Variants in HCN1 observed in about 807,000 individuals in gnomAD.
HCN1 encodes the protein potassium/sodium hyperpolarization-activated cyclic nucleotide-gated channel 1.
HCN1 carries 13 observed loss-of-function variants against 78.9 expected under a neutral mutation model. The observed-to-expected ratio is 0.16, with a 90% CI of 0.11 to 0.26. The LOEUF (loss-of-function observed/expected upper bound fraction) is 0.26. HCN1 is among the 10% of genes least tolerant of loss of function. The probability of loss-of-function intolerance (pLI) is 1.00; values close to 1 mark genes in which losing one functional copy is unlikely to be tolerated. For missense variants in HCN1, 810 were observed against 1,154.3 expected, an observed-to-expected ratio of 0.70 and a Z score of 4.32; for synonymous variants, 552 against 455.5, an observed-to-expected ratio of 1.21 and a Z score of -2.70.
rs532625028 is a variant in HCN1 at position 45,337,228 on chromosome 5, A to G, written c.1377+15872T>C. Among the ~76,000 whole-genome samples, 278 of 151,758 alleles carry G rather than the reference A, an allele frequency of 1.8e-3. 1 individual carries two copies. Among genetic ancestry groups the G allele is most frequent in the African/African-American group, 6.5e-3 (269 of 41,518 alleles). ...TTAAAAGTTTTTAAAGTTATAAAGT[A>G]TTTTTCTTCTTAAAGTTAAAAAGAA... On this transcript the variant is annotated intron_variant, in intron 5 of 7. Coordinates refer to ENST00000303230, the MANE Select transcript of HCN1 (RefSeq NM_021072.4).
chr5:45,586,546 G>T (rs1271513664), intron 2 of HCN1, among the ~76,000 whole-genome samples: 1 of 152,050 alleles, frequency 6.6e-6, no homozygotes. Context: ...CCCACTGTCT[G>T]ACACTCCCCA....
intron 6 of HCN1, among the ~76,000 whole-genome samples, chr5:45,291,505 T>C (rs1323740284): frequency 6.6e-6 from 1 of 152,038 alleles, no homozygotes. Context: ...CTGATAACGT[T>C]TCTCCCTCAG....
intron 3 of HCN1, among the ~76,000 whole-genome samples, chr5:45,398,757 T>C (rs935684887): frequency 1.3e-5 from 2 of 152,212 alleles, no homozygotes; most frequent in Non-Finnish European, 1.5e-5. Flanking sequence ...TTATCTTCCT[T>C]GTTAATAATT....
chr5:45,448,485 C>A lies in HCN1; in HGVS notation c.1011+13361G>T, dbSNP rs146573094. On this transcript the variant is annotated intron_variant, in intron 3 of 7. Coordinates refer to ENST00000303230, the MANE Select transcript of HCN1 (RefSeq NM_021072.4). ...TCCTTGCTCCAAGTATTACTAAATGCCATTAATGTTTCTCTCATTCTAAAT... is the reference window on the plus strand; with the variant it reads ...TCCTTGCTCCAAGTATTACTAAATGACATTAATGTTTCTCTCATTCTAAAT... Among the ~76,000 whole-genome samples the A allele has an allele frequency of 2.4e-3, 373 of 152,264 alleles. 3 individuals carry two copies. The highest frequency in any genetic ancestry group is 6.8e-3 in the Middle Eastern group (2 of 294).
At chr5:45,557,563 A>G (rs933649268) in intron 2 of HCN1, among the ~76,000 whole-genome samples, 7 of 152,138 alleles carry the variant, frequency 4.6e-5, no homozygotes, top group Non-Finnish European at 7.4e-5. Context: ...TTTTAAATAA[A>G]TTGAGGCTTT....
At chr5:45,339,950 C>T (rs1243923769) in intron 5 of HCN1, among the ~76,000 whole-genome samples, 1 of 151,994 alleles carries the variant, frequency 6.6e-6, no homozygotes, top group Non-Finnish European at 1.5e-5. Flanking sequence ...CAGAGTTTTG[C>T]TCTTGTTGCC....
chr5:45,488,756 A>AAT (rs1196073733), intron 2 of HCN1, among the ~76,000 whole-genome samples: 1 of 152,142 alleles, frequency 6.6e-6, no homozygotes, highest in Non-Finnish European at 1.5e-5. Flanking sequence ...CTATATGATA[A>AAT]ATAATTTCAC....
chr5:45,446,579 T>C (rs1740801905), intron 3 of HCN1, among the ~76,000 whole-genome samples: 1 of 151,946 alleles, frequency 6.6e-6, no homozygotes, highest in Admixed American at 6.6e-5. Flanking sequence ...CTAAGACATA[T>C]AATTGTCAGA....
At chr5:45,278,553 G>T (rs943280798) in intron 6 of HCN1, among the ~76,000 whole-genome samples, 1 of 152,052 alleles carries the variant, frequency 6.6e-6, no homozygotes. Context: ...TGAGCAAATT[G>T]AAAGTAATAA....
chr5:45,486,871 A>G (rs1741774413), intron 2 of HCN1, among the ~76,000 whole-genome samples: 3 of 152,140 alleles, frequency 2.0e-5, no homozygotes, highest in Admixed American at 2.0e-4. Context: ...ATCTTCAAAT[A>G]TGAAGTCAAT....
intron 2 of HCN1, among the ~76,000 whole-genome samples, chr5:45,550,125 T>A (rs1743334208): frequency 6.6e-6 from 1 of 152,138 alleles, no homozygotes; most frequent in African/African-American, 2.4e-5. Flanking sequence ...AAATACCATT[T>A]GACCCAGCCA....
chr5:45,279,176 T>C lies in HCN1; in HGVS notation c.1619-11923A>G, dbSNP rs1032738. On this transcript the variant is annotated intron_variant, in intron 6 of 7. Coordinates refer to ENST00000303230, the MANE Select transcript of HCN1 (RefSeq NM_021072.4). ...AAGCAAAGTGAAGTGAGGAATTAGG[T>C]CAAACAGTCCAACAGGTTATCCAAA... is the stretch of plus-strand genomic sequence containing the variant. 2.0e-3 allele frequency among the ~76,000 whole-genome samples: 306 copies of C among 152,202 alleles called. 3 individuals are homozygous for C. The highest frequency in any genetic ancestry group is 7.1e-3 in the African/African-American group (297 of 41,552).
chr5:45,298,054 T>A (rs1413216626), intron 6 of HCN1, among the ~76,000 whole-genome samples: 1 of 151,972 alleles, frequency 6.6e-6, no homozygotes, highest in Non-Finnish European at 1.5e-5. Flanking sequence ...AAATCAAGAT[T>A]AGGGGAAAGA....
At position 45,647,216 on chromosome 5, in the gene HCN1, C is replaced by T. The variant is rs1745566475; in HGVS notation, c.426-1608G>A. ...ACAACTGTACAAATACCCATGTCAG[C>T]CATACAACATGTACTGGCAGTTTAA... is the stretch of plus-strand genomic sequence containing the variant. On this transcript the variant is annotated intron_variant, in intron 1 of 7. Coordinates refer to ENST00000303230, the MANE Select transcript of HCN1 (RefSeq NM_021072.4). 3.9e-5 allele frequency among the ~76,000 whole-genome samples: 6 copies of T among 152,230 alleles called. 2 individuals carry two copies. The South Asian group carries it at 1.2e-3, about 32-fold the overall frequency.
At chr5:45,400,125 T>G (rs892934915) in intron 3 of HCN1, among the ~76,000 whole-genome samples, 1 of 152,118 alleles carries the variant, frequency 6.6e-6, no homozygotes, top group Non-Finnish European at 1.5e-5. Flanking sequence ...CAAGGTATAT[T>G]GTTAAAGCAT....
chr5:45,611,142 C>T (rs1404348515), intron 2 of HCN1, among the ~76,000 whole-genome samples: 1 of 151,572 alleles, frequency 6.6e-6, no homozygotes, highest in African/African-American at 2.4e-5. Flanking sequence ...CCTCAACCTC[C>T]CGGGTTCAAG....
chr5:45,577,873 A>G (rs917660785), intron 2 of HCN1, among the ~76,000 whole-genome samples: 2 of 152,072 alleles, frequency 1.3e-5, no homozygotes, highest in Non-Finnish European at 2.9e-5. Flanking sequence ...TTGTTGCCTA[A>G]GTTGATATTA....
intron 2 of HCN1, among the ~76,000 whole-genome samples, chr5:45,514,398 A>G (rs1335832832): frequency 1.3e-5 from 2 of 152,088 alleles, no homozygotes; most frequent in African/African-American, 2.4e-5. Flanking sequence ...TAATCCCACA[A>G]TCTGGCTGTA....
At chr5:45,494,918 G>A (rs1199865541) in intron 2 of HCN1, among the ~76,000 whole-genome samples, 9 of 150,348 alleles carry the variant, frequency 6.0e-5, no homozygotes, top group African/African-American at 2.0e-4. Flanking sequence ...GTAGATATGT[G>A]GCATTATTTC....
Sources: allele counts gnomAD v4.1 joint callset (sites outside exome capture counted in the v4.1 genomes callset), GRCh38; gene constraint gnomAD v4.1.1; transcripts MANE v1.5; gene names NCBI Gene and HGNC (gene_info 2026-07-23, HGNC 2026-07-21).